Variants in CNTN1 observed in about 807,000 individuals in gnomAD.
CNTN1 encodes contactin 1.
In CNTN1, 38 loss-of-function variants were observed where a neutral mutation model predicts 126.4. That is an observed-to-expected ratio of 0.30 (90% confidence interval 0.23 to 0.39). The LOEUF is 0.39. Ranked by LOEUF, CNTN1 falls within the 10% of genes least tolerant of loss-of-function variation. CNTN1 has a pLI of 1.00. For synonymous variants in CNTN1, 413 were observed against 422.6 expected, an observed-to-expected ratio of 0.98 and a Z score of 0.28; for missense variants, 1,009 against 1,248.4, an observed-to-expected ratio of 0.81 and a Z score of 2.89.
At chr12:40,788,750 G>A (rs921238498) in intron 1 of CNTN1, among the ~76,000 whole-genome samples, 1 of 152,104 alleles carries the variant, frequency 6.6e-6, no homozygotes, top group Non-Finnish European at 1.5e-5. Flanking sequence ...CTAGAGGCAA[G>A]TAAAGTGACT....
chr12:40,951,497 T>C (rs1464241428), intron 14 of CNTN1, among the ~76,000 whole-genome samples: 1 of 151,948 alleles, frequency 6.6e-6, no homozygotes, highest in Non-Finnish European at 1.5e-5. Context: ...TAACAAAAAC[T>C]AGATAACATT....
chr12:40,825,976 A>G (rs150392542), intron 1 of CNTN1, among the ~76,000 whole-genome samples: 50 of 152,238 alleles, frequency 3.3e-4, no homozygotes, highest in Admixed American at 2.5e-3. Context: ...AGAGTTGGCT[A>G]TGGAGATTTG....
At position 41,023,524 on chromosome 12, in the gene CNTN1, G is replaced by T. The variant is rs146249123; in HGVS notation, c.2524-1626G>T. On this transcript the variant is annotated intron_variant, in intron 20 of 23. Transcript: ENST00000551295. The stretch of plus-strand genomic sequence containing the variant: ...TTTGGAACTTTGGGCTCTTGCCCAG[G>T]AATCCACAAAAGACTTAGTTTGCTC... Among the ~76,000 whole-genome samples the T allele has an allele frequency of 5.5e-4, 84 of 152,278 alleles. 1 individual carries two copies. In the East Asian group the frequency reaches 0.015, roughly 28 times the overall value.
intron 1 of CNTN1, among the ~76,000 whole-genome samples, chr12:40,841,391 C>T (rs900777544): frequency 6.6e-6 from 1 of 151,884 alleles, no homozygotes; most frequent in Non-Finnish European, 1.5e-5. Flanking sequence ...GAAACCATTC[C>T]AACAAATTGA....
At chr12:40,724,610 T>C (rs1339794214) in intron 1 of CNTN1, among the ~76,000 whole-genome samples, 5 of 152,224 alleles carry the variant, frequency 3.3e-5, no homozygotes, top group Admixed American at 2.6e-4. Flanking sequence ...TACTCAGTAT[T>C]GAAAATGCAC....
chr12:41,002,826 G>A (rs1948399548), intron 17 of CNTN1, among the ~76,000 whole-genome samples: 1 of 152,096 alleles, frequency 6.6e-6, no homozygotes, highest in Non-Finnish European at 1.5e-5. Context: ...CAAAGTGCTG[G>A]GATTACAGGC....
intron 1 of CNTN1, among the ~76,000 whole-genome samples, chr12:40,725,838 G>A (rs1942338889): frequency 1.3e-5 from 2 of 151,834 alleles, no homozygotes; most frequent in Admixed American, 1.3e-4. Context: ...GGTTAAATTT[G>A]GCTGGTACAA....
chr12:41,065,780 T>C (rs1241207477), intron 23 of CNTN1, among the ~76,000 whole-genome samples: 2 of 152,254 alleles, frequency 1.3e-5, no homozygotes, highest in African/African-American at 4.8e-5. Flanking sequence ...GATGGCATTC[T>C]ACAGCAGCTC....
At chr12:40,813,232 GAAA>G (rs59277406) in intron 1 of CNTN1, among the ~76,000 whole-genome samples, 6 of 145,724 alleles carry the variant, frequency 4.1e-5, no homozygotes, top group African/African-American at 7.6e-5. Flanking sequence ...CTTCTAAAAA[GAAA>G]AAAAAAAAAC....
intron 23 of CNTN1, among the ~76,000 whole-genome samples, chr12:41,052,668 A>C (rs1208419018): frequency 2.0e-5 from 3 of 152,082 alleles, no homozygotes; most frequent in African/African-American, 7.2e-5. Context: ...TCCCCCAAAG[A>C]ACCTGGCAAA....
chr12:40,992,769 G>A (rs1338959005), intron 16 of CNTN1, among the ~76,000 whole-genome samples: 1 of 152,048 alleles, frequency 6.6e-6, no homozygotes, highest in East Asian at 1.9e-4. Flanking sequence ...TTTATCTCAG[G>A]AAATCTTTTT....
intron 1 of CNTN1, among the ~76,000 whole-genome samples, chr12:40,772,129 A>G (rs1369011597): frequency 6.6e-6 from 1 of 152,106 alleles, no homozygotes; most frequent in East Asian, 1.9e-4. Flanking sequence ...TCTCATATTT[A>G]TTTCTTATCT....
rs1945982794 is a variant in CNTN1 at position 40,933,791 on chromosome 12, AT to A, written c.900del (p.Gln301SerfsTer2). The A allele has an allele frequency of 6.2e-7, 1 of 1,612,196 alleles. No individual in the cohort carries two copies. The highest frequency in any genetic ancestry group is 8.5e-7 in the Non-Finnish European group (1 of 1,178,688). ...TGGGGCTGTTCTTAAGATCTTCAAT[AT>A]TCAGCTAGAAGATGAAGGCATCTAT... is the stretch of plus-strand genomic sequence containing the variant. ...TSGAVLKIFN[I>X]QLEDEGIYEC... On this transcript the variant is annotated frameshift_variant, in exon 9 of 24. Transcript: ENST00000551295. LOFTEE classifies it high-confidence loss of function.
intron 21 of CNTN1, among the ~76,000 whole-genome samples, chr12:41,025,914 AAGG>A (rs1343974136): frequency 2.0e-5 from 3 of 152,128 alleles, no homozygotes; most frequent in African/African-American, 7.2e-5. Flanking sequence ...AATAAGTAAA[AAGG>A]AGAATTTTTA....
rs990467522 is a variant in CNTN1 at position 40,928,894 on chromosome 12, G to T, written c.497-902G>T. Among the ~76,000 whole-genome samples the T allele has an allele frequency of 4.0e-5, 6 of 151,884 alleles. No individual in the cohort carries two copies. The East Asian group carries it at 1.2e-3, about 29-fold the overall frequency. On this transcript the variant is annotated intron_variant, in intron 6 of 23. Coordinates refer to ENST00000551295, the MANE Select transcript of CNTN1 (RefSeq NM_001843.4). ...GAAGCCTGAGTGCTGTGATTTCTTGGTTTTTCACCATTTTACACCTAAAAT... is the reference window on the plus strand; with the variant it reads ...GAAGCCTGAGTGCTGTGATTTCTTGTTTTTTCACCATTTTACACCTAAAAT...
intron 1 of CNTN1, among the ~76,000 whole-genome samples, chr12:40,704,460 A>G (rs1941682872): frequency 6.6e-6 from 1 of 152,148 alleles, no homozygotes; most frequent in Non-Finnish European, 1.5e-5. Flanking sequence ...ATAATTAAAC[A>G]TAGAGTCATA....
At chr12:40,891,888 T>C (rs987731824) in intron 1 of CNTN1, among the ~76,000 whole-genome samples, 5 of 152,132 alleles carry the variant, frequency 3.3e-5, no homozygotes, top group African/African-American at 1.2e-4. Flanking sequence ...TGCTTCTCTA[T>C]GTAAACCTTA....
intron 17 of CNTN1, among the ~76,000 whole-genome samples, 155 bp downstream of exon 17, chr12:40,993,424 A>G (rs1028911616): frequency 3.9e-5 from 6 of 152,174 alleles, no homozygotes; most frequent in Admixed American, 1.3e-4. Context: ...GTCAAAAATC[A>G]AAAGAGGAAA....
At chr12:40,883,477 C>T (rs1943938037) in intron 1 of CNTN1, among the ~76,000 whole-genome samples, 1 of 151,496 alleles carries the variant, frequency 6.6e-6, no homozygotes, top group South Asian at 2.1e-4. Flanking sequence ...TCCTTTTCTC[C>T]CTTTCCAGCT....
Sources: gnomAD v4.1 joint callset for allele counts (sites outside exome capture counted in the v4.1 genomes callset) on GRCh38, gnomAD v4.1.1 for gene constraint, MANE v1.5 for transcripts, NCBI Gene and HGNC (gene_info 2026-07-23, HGNC 2026-07-21) for gene names.